EBF2: variants seen among roughly 807,000 people sequenced by gnomAD.
EBF2 encodes EBF transcription factor 2.
In EBF2, 21 loss-of-function variants were observed where a neutral mutation model predicts 72.8. The ratio of observed to expected loss-of-function variants is 0.29; its 90% CI spans 0.20 to 0.42. The LOEUF (loss-of-function observed/expected upper bound fraction) is 0.42, where lower values mean the gene tolerates loss of function less well. Among genes scored for constraint, EBF2 ranks in the 10% least tolerant of loss-of-function variants. The pLI, the probability that EBF2 is intolerant of heterozygous loss-of-function variation, is 1.00. For synonymous variants in EBF2, 299 were observed against 274.2 expected (o/e 1.09, Z -0.89); for missense variants, 637 against 731.2 (o/e 0.87, Z 1.49).
At chr8:26,034,578 G>T (rs780104086) in intron 5 of EBF2, among the ~76,000 whole-genome samples, 7 of 152,174 alleles carry the variant, frequency 4.6e-5, no homozygotes, top group Non-Finnish European at 1.0e-4. Flanking sequence ...AAGCTTGCTG[G>T]TAAGAAGCAC....
intron 1 of EBF2, among the ~76,000 whole-genome samples, chr8:26,042,771 C>T (rs890239653): frequency 2.0e-5 from 3 of 152,192 alleles, no homozygotes; most frequent in South Asian, 2.1e-4. Context: ...CTGCTCACAA[C>T]GCCCAAATGC....
At chr8:25,860,598 G>C (rs1802195905) in intron 13 of EBF2, among the ~76,000 whole-genome samples, 1 of 151,282 alleles carries the variant, frequency 6.6e-6, no homozygotes, top group African/African-American at 2.4e-5. Context: ...GCACCCCACT[G>C]CTCACTGCAG....
intron 6 of EBF2, among the ~76,000 whole-genome samples, chr8:26,019,982 CA>C (rs1805180156): frequency 6.6e-6 from 1 of 152,086 alleles, no homozygotes; most frequent in South Asian, 2.1e-4. Flanking sequence ...TCAGGGGGCT[CA>C]AAGGATAAGG....
At chr8:26,008,248 C>T (rs1363452896) in intron 6 of EBF2, among the ~76,000 whole-genome samples, 1 of 152,146 alleles carries the variant, frequency 6.6e-6, no homozygotes, top group Non-Finnish European at 1.5e-5. Context: ...ATGGAAAAAT[C>T]ATAATATGCA....
chr8:25,845,319 C>T (rs989893814), intron 15 of EBF2, among the ~76,000 whole-genome samples: 1 of 151,064 alleles, frequency 6.6e-6, no homozygotes, highest in African/African-American at 2.5e-5. Context: ...CTGCAACCTC[C>T]TGGGTTCAAG....
chr8:25,986,199 G>A (rs1028836194), intron 6 of EBF2, among the ~76,000 whole-genome samples: 7 of 151,888 alleles, frequency 4.6e-5, no homozygotes, highest in African/African-American at 1.7e-4. Context: ...GTCTCTGACT[G>A]CTGGGTCCAC....
intron 6 of EBF2, among the ~76,000 whole-genome samples, chr8:25,940,640 A>G (rs75014890): frequency 1.3e-5 from 2 of 152,002 alleles, no homozygotes; most frequent in African/African-American, 4.8e-5. Context: ...AAATAAAAAA[A>G]AAACCACAAA....
At chr8:25,912,675 T>G (rs916792641) in intron 6 of EBF2, among the ~76,000 whole-genome samples, 3 of 152,172 alleles carry the variant, frequency 2.0e-5, no homozygotes, top group African/African-American at 7.2e-5. Context: ...CAATATGTAT[T>G]GTGCTCTGTG....
At chr8:25,874,801 T>C (rs1468333857) in intron 10 of EBF2, among the ~76,000 whole-genome samples, 1 of 151,540 alleles carries the variant, frequency 6.6e-6, no homozygotes, top group Non-Finnish European at 1.5e-5. Context: ...TTCTCCCACC[T>C]TGGGCTCCCA....
At chr8:25,923,840 G>T (rs1803342838) in intron 6 of EBF2, among the ~76,000 whole-genome samples, 1 of 152,132 alleles carries the variant, frequency 6.6e-6, no homozygotes, top group African/African-American at 2.4e-5. Context: ...GCAAAGCTAG[G>T]CCAATTGACT....
At chr8:26,000,885 C>A (rs765589484) in intron 6 of EBF2, among the ~76,000 whole-genome samples, 1 of 152,066 alleles carries the variant, frequency 6.6e-6, no homozygotes, top group Non-Finnish European at 1.5e-5. Flanking sequence ...AAAGGAAAAT[C>A]GTTGTATTAT....
At chr8:25,885,711 C>T (rs1278643265) in intron 10 of EBF2, among the ~76,000 whole-genome samples, 1 of 152,132 alleles carries the variant, frequency 6.6e-6, no homozygotes, top group Non-Finnish European at 1.5e-5. Context: ...TCACTTGGTT[C>T]TCATTCTCTC....
chr8:25,937,093 CT>C (rs1252899578), intron 6 of EBF2, among the ~76,000 whole-genome samples: 8 of 152,294 alleles, frequency 5.3e-5, no homozygotes, highest in African/African-American at 1.9e-4. Context: ...AGAACACATT[CT>C]GATCGATTGA....
At chr8:25,877,860 G>A (rs1410695122) in intron 10 of EBF2, among the ~76,000 whole-genome samples, 1 of 152,142 alleles carries the variant, frequency 6.6e-6, no homozygotes, top group Admixed American at 6.5e-5. Context: ...ACAGCCTCAG[G>A]AGCAGAACTC....
intron 6 of EBF2, among the ~76,000 whole-genome samples, chr8:25,943,036 C>A (rs549515118): frequency 6.6e-6 from 1 of 152,282 alleles, no homozygotes; most frequent in East Asian, 1.9e-4. Flanking sequence ...TCCCAGGGCT[C>A]TTCTCCCTTC....
intron 6 of EBF2, among the ~76,000 whole-genome samples, chr8:25,970,245 T>C (rs1353695924): frequency 6.6e-6 from 1 of 152,118 alleles, no homozygotes; most frequent in Non-Finnish European, 1.5e-5. Flanking sequence ...CTTGCTGACA[T>C]CCCCATCCTA....
At chr8:25,971,664 A>G (rs1804191735) in intron 6 of EBF2, among the ~76,000 whole-genome samples, 1 of 151,522 alleles carries the variant, frequency 6.6e-6, no homozygotes, top group Admixed American at 6.6e-5. Context: ...CACAGGGAAG[A>G]AAAAAAAACA....
intron 6 of EBF2, among the ~76,000 whole-genome samples, chr8:25,952,645 C>T (rs1361192297): frequency 6.6e-6 from 1 of 152,158 alleles, no homozygotes; most frequent in Non-Finnish European, 1.5e-5. Flanking sequence ...CTCCCCCCTA[C>T]ACTTCATGTC....
intron 6 of EBF2, among the ~76,000 whole-genome samples, chr8:25,956,376 G>T (rs1803947885): frequency 6.6e-6 from 1 of 151,510 alleles, no homozygotes; most frequent in Admixed American, 6.6e-5. Context: ...TTGTACTCCA[G>T]CCTGGGCAAC....
Sources: gnomAD v4.1 joint callset for allele counts (sites outside exome capture counted in the v4.1 genomes callset) on GRCh38, gnomAD v4.1.1 for gene constraint, MANE v1.5 for transcripts, NCBI Gene and HGNC (gene_info 2026-07-23, HGNC 2026-07-21) for gene names.